The following NSUN7 variants were observed in gnomAD, a reference collection of about 807,000 sequenced individuals.
NSUN7 encodes NOP2/Sun RNA methyltransferase family member 7, also known as protein NSUN7.
Under a neutral mutation model 58.5 loss-of-function variants are expected in NSUN7, and 39 were observed. The ratio of observed to expected loss-of-function variants is 0.67; its 90% confidence interval spans 0.52 to 0.87. The LOEUF is 0.87. NSUN7 is among the 40% of genes least tolerant of loss of function. The pLI, the probability that NSUN7 is intolerant of heterozygous loss-of-function variation, is 0.00. For missense variants in NSUN7, 765 were observed against 844.1 expected, an observed-to-expected ratio of 0.91 and a Z score of 1.16; for synonymous variants, 278 against 303.7, an observed-to-expected ratio of 0.92 and a Z score of 0.88.
chr4:40,782,281 C>T (rs149136521), intron 7 of NSUN7, among the ~76,000 whole-genome samples: 54 of 152,092 alleles, frequency 3.6e-4, no homozygotes, highest in African/African-American at 1.2e-3. Flanking sequence ...TACAAAATAT[C>T]ACTTAAAGAA....
chr4:40,808,812 G>T lies in NSUN7; in HGVS notation c.2030G>T (p.Cys677Phe). 6.5e-7 allele frequency: 1 copy of T among 1,548,866 alleles called. No individual in the cohort carries two copies. The highest frequency in any genetic ancestry group is 8.7e-7 in the Non-Finnish European group (1 of 1,146,464). Reference sequence around the variant, plus strand: ...CGGATGCCAACTCAACATTTGTACTGTCGTTGGGTTGCACCCAAGGCACTT... The same window carrying T: ...CGGATGCCAACTCAACATTTGTACTTTCGTTGGGTTGCACCCAAGGCACTT... ...RSRMPTQHLYCRWVAPKALVP... is the reference protein window; with the variant it reads ...RSRMPTQHLYFRWVAPKALVP... The change falls in exon 12 of 12, where the codon TGT becomes TTT. Residue 677 changes from cysteine (C) to phenylalanine (F), a missense_variant. Transcript: ENST00000381782.
intron 2 of NSUN7, among the ~76,000 whole-genome samples, chr4:40,760,027 G>T (rs2437326): frequency 6.6e-6 from 1 of 152,026 alleles, no homozygotes; most frequent in African/African-American, 2.4e-5. Context: ...GACAGAGCAA[G>T]ACTCTGTCTC....
chr4:40,794,341 G>T, intron 8 of NSUN7, 34 bp from the exon 9 acceptor site: 1 of 1,248,394 alleles, frequency 8.0e-7, no homozygotes, highest in South Asian at 1.3e-5. Context: ...TTTTAATGGT[G>T]CTATATTTAA....
At chr4:40,765,392 G>A (rs1208039065) in intron 4 of NSUN7, among the ~76,000 whole-genome samples, 1 of 148,362 alleles carries the variant, frequency 6.7e-6, no homozygotes, top group Non-Finnish European at 1.5e-5. Flanking sequence ...GATAGTTGTA[G>A]ATATGTGGCG....
Position 40,811,170 on chromosome 4 carries a change from C to T in NSUN7, c.*2231C>T, listed in dbSNP as rs1206838917. ...AGTATATGAAGATTCTGAATTAAAC[C>T]ATTCATTAATTACACTGCAGTTTTC... is the stretch of plus-strand genomic sequence containing the variant. On this transcript the variant is annotated 3_prime_UTR_variant, in exon 12 of 12. Coordinates refer to ENST00000381782, the MANE Select transcript of NSUN7 (RefSeq NM_024677.6). The T allele has an allele frequency of 6.6e-6, 1 of 152,076 alleles. No homozygotes were observed. The highest frequency in any genetic ancestry group is 2.4e-5 in the African/African-American group (1 of 41,398). The allele number at this position is 152,076 out of a possible 1,614,324, so 9.4% of individuals were successfully genotyped here.
chr4:40,770,923 C>T (rs1381573705), intron 4 of NSUN7, among the ~76,000 whole-genome samples: 1 of 151,960 alleles, frequency 6.6e-6, no homozygotes, highest in Non-Finnish European at 1.5e-5. Context: ...TGGTGGTGTG[C>T]ACCTGTAGTC....
At chr4:40,794,567 G>A (rs1290137014) in intron 9 of NSUN7, 91 bp downstream of exon 9, 1 of 719,568 alleles carries the variant, frequency 1.4e-6, no homozygotes, top group Non-Finnish European at 2.3e-6. Flanking sequence ...AAGCAATGAA[G>A]TGTGAGCCAT....
chr4:40,752,505 C>A (rs575694556), intron 2 of NSUN7, among the ~76,000 whole-genome samples: 2 of 152,222 alleles, frequency 1.3e-5, no homozygotes, highest in African/African-American at 4.8e-5. Context: ...ACTGCAAGCT[C>A]CGCCTCCTGG....
chr4:40,776,622 CTTT>C, intron 7 of NSUN7: 1 of 168,280 alleles, frequency 5.9e-6, no homozygotes, highest in Non-Finnish European at 1.2e-5. Context: ...GAAGCTAAGT[CTTT>C]TTTTTTTTGA....
At chr4:40,757,170 G>A (rs565074613) in intron 2 of NSUN7, among the ~76,000 whole-genome samples, 80 of 152,022 alleles carry the variant, frequency 5.3e-4, no homozygotes, top group Non-Finnish European at 1.1e-3. Context: ...CAGAGGTTGC[G>A]GTGAGCCGAG....
At chr4:40,755,411 C>A (rs1741093031) in intron 2 of NSUN7, among the ~76,000 whole-genome samples, 1 of 151,612 alleles carries the variant, frequency 6.6e-6, no homozygotes, top group African/African-American at 2.4e-5. Flanking sequence ...TAAATAAAAA[C>A]CTGGCAATTT....
At chr4:40,753,699 A>G (rs1740953802) in intron 2 of NSUN7, among the ~76,000 whole-genome samples, 1 of 152,164 alleles carries the variant, frequency 6.6e-6, no homozygotes, top group African/African-American at 2.4e-5. Context: ...TAATACGTTG[A>G]TATGGTTTGG....
At chr4:40,794,877 T>A (rs1743250665) in intron 9 of NSUN7, among the ~76,000 whole-genome samples, 4 of 152,196 alleles carry the variant, frequency 2.6e-5, no homozygotes, top group Admixed American at 2.6e-4. Flanking sequence ...TTTCTCTTAG[T>A]GCTAAGTAGA....
intron 4 of NSUN7, among the ~76,000 whole-genome samples, chr4:40,764,923 G>T (rs539564794): frequency 5.3e-5 from 8 of 151,618 alleles, no homozygotes; most frequent in Non-Finnish European, 7.4e-5. Context: ...TTTTTGATGG[G>T]GTTGTTTGTT....
chr4:40,785,753 A>G (rs1458829871), intron 7 of NSUN7, among the ~76,000 whole-genome samples: 1 of 152,292 alleles, frequency 6.6e-6, no homozygotes, highest in Non-Finnish European at 1.5e-5. Context: ...AACGATTGTA[A>G]AAATACATGT....
At chr4:40,790,101 A>T (rs555395416) in intron 7 of NSUN7, among the ~76,000 whole-genome samples, 28 of 148,516 alleles carry the variant, frequency 1.9e-4, no homozygotes, top group African/African-American at 6.7e-4. Context: ...AAGATAGAAC[A>T]TAAAAGGGGA....
intron 8 of NSUN7, among the ~76,000 whole-genome samples, chr4:40,791,684 C>T (rs979511742): frequency 2.0e-5 from 3 of 152,130 alleles, no homozygotes; most frequent in Non-Finnish European, 4.4e-5. Flanking sequence ...AAAAAGAAGA[C>T]ACCCCACAAA....
intron 7 of NSUN7, chr4:40,776,624 T>G (rs1475718925): frequency 5.8e-6 from 1 of 173,196 alleles, no homozygotes; most frequent in Non-Finnish European, 1.2e-5. Flanking sequence ...AGCTAAGTCT[T>G]TTTTTTTTTG....
At chr4:40,785,727 A>G (rs1742786037) in intron 7 of NSUN7, among the ~76,000 whole-genome samples, 1 of 152,278 alleles carries the variant, frequency 6.6e-6, no homozygotes. Context: ...TGGGAATTAG[A>G]GAATATTTGG....
Sources: gnomAD v4.1 joint callset for allele counts (sites outside exome capture counted in the v4.1 genomes callset) on GRCh38, gnomAD v4.1.1 for gene constraint, MANE v1.5 for transcripts, NCBI Gene and HGNC (gene_info 2026-07-23, HGNC 2026-07-21) for gene names.